The following SLC7A6 variants were observed in gnomAD, a reference collection of about 807,000 sequenced individuals.
SLC7A6 encodes solute carrier family 7 member 6, also known as Y+L amino acid transporter 2.
Under a neutral mutation model 46.6 loss-of-function variants are expected in SLC7A6, and 29 were observed. The observed-to-expected ratio is 0.62, with a 90% confidence interval of 0.46 to 0.85. The LOEUF (loss-of-function observed/expected upper bound fraction) is 0.85. SLC7A6 is among the 40% of genes least tolerant of loss of function. The pLI is 0.00. For synonymous variants in SLC7A6, 276 were observed against 257.3 expected (o/e 1.07, Z -0.70); for missense variants, 527 against 647.6 (o/e 0.81, Z 2.02).
At chr16:68,295,824 A>G (rs2043153237) in intron 8 of SLC7A6, among the ~76,000 whole-genome samples, 1 of 152,208 alleles carries the variant, frequency 6.6e-6, no homozygotes, top group African/African-American at 2.4e-5. Context: ...ACCTGACTTC[A>G]GAGGCCTGAA....
At position 68,281,495 on chromosome 16, in the gene SLC7A6, T is replaced by C. The variant is rs533140952; in HGVS notation, c.523+6246T>C. Among the ~76,000 whole-genome samples, 6 of 152,308 alleles carry C rather than the reference T, an allele frequency of 3.9e-5. No homozygotes were observed. In the East Asian group the frequency reaches 1.2e-3, roughly 29 times the overall value. On this transcript the variant is annotated intron_variant, in intron 3 of 10. Coordinates refer to ENST00000219343, the MANE Select transcript of SLC7A6 (RefSeq NM_003983.6). ...GTCAATAGTGCTGAGGTTGAGAAAC[T>C]CTGTCTTAAGGGTGCACTCTGTTCA...
In SLC7A6 at chr16:68,274,674, C is replaced by T; in HGVS notation, c.-36-17C>T. ...CCAGCTCCTGCCCTAGACTGACATA[C>T]TTGTATTCTTTGCCAGGCCACAGCA... On this transcript the variant is annotated splice_polypyrimidine_tract_variant and intron_variant, in intron 2 of 10. Coordinates refer to ENST00000219343, the MANE Select transcript of SLC7A6 (RefSeq NM_003983.6). The T allele has an allele frequency of 1.9e-6, 3 of 1,603,158 alleles. No homozygotes were observed. Among genetic ancestry groups the T allele is most frequent in the Non-Finnish European group, 1.7e-6 (2 of 1,172,936 alleles).
intron 2 of SLC7A6, among the ~76,000 whole-genome samples, chr16:68,272,741 T>C (rs1302210931): frequency 1.3e-5 from 2 of 152,136 alleles, no homozygotes; most frequent in East Asian, 3.9e-4. Flanking sequence ...CAATCCCTCC[T>C]CCCAGCTAGA....
At chr16:68,284,857 G>GTTTTTTTTTT (rs1285237242) in intron 3 of SLC7A6, among the ~76,000 whole-genome samples, 1 of 30,896 alleles carries the variant, frequency 3.2e-5, no homozygotes, top group Admixed American at 3.1e-4. Flanking sequence ...GTATTTTCTC[G>GTTTTTTTTTT]TCTTTTTTTT....
intron 3 of SLC7A6, among the ~76,000 whole-genome samples, chr16:68,284,950 TAGGC>T (rs1474386374): frequency 6.8e-6 from 1 of 148,146 alleles, no homozygotes. Flanking sequence ...CAGTGCACTA[TAGGC>T]CCGGACTCCT....
At chr16:68,286,093 A>C (rs1449879411) in intron 3 of SLC7A6, among the ~76,000 whole-genome samples, 1 of 141,672 alleles carries the variant, frequency 7.1e-6, no homozygotes, top group Non-Finnish European at 1.5e-5. Flanking sequence ...CCCTGTCTCA[A>C]AAAAAAAAAA....
In SLC7A6 at chr16:68,290,457, T is replaced by C; in HGVS notation, c.711T>C (p.Ser237=). ...EGSSWDMGNL[S]LALYSALFSY... ...CCTCCTGGGACATGGGAAACCTCTC[T>C]CTTGCCCTCTACTCTGCCCTCTTCT... The change falls in exon 5 of 11, where the codon TCT becomes TCC. Residue 237 remains serine (S), a synonymous_variant. Coordinates refer to ENST00000219343, the MANE Select transcript of SLC7A6 (RefSeq NM_003983.6). 1 of 1,614,182 alleles carries C rather than the reference T, an allele frequency of 6.2e-7. No individual in the cohort carries two copies. The highest frequency in any genetic ancestry group is 8.5e-7 in the Non-Finnish European group (1 of 1,180,024).
intron 3 of SLC7A6, among the ~76,000 whole-genome samples, chr16:68,276,010 G>A (rs976856012): frequency 7.9e-5 from 12 of 152,216 alleles, no homozygotes; most frequent in African/African-American, 2.9e-4. Flanking sequence ...TCATCAGTGA[G>A]AAAGTAGGCT....
intron 3 of SLC7A6, among the ~76,000 whole-genome samples, chr16:68,283,557 T>A (rs1451419505): frequency 6.6e-6 from 1 of 152,042 alleles, no homozygotes; most frequent in Non-Finnish European, 1.5e-5. Context: ...AGCCATGCCT[T>A]CAGCTAAAAT....
intron 3 of SLC7A6, chr16:68,287,509 A>G (rs549100286): frequency 1.9e-5 from 27 of 1,411,678 alleles, no homozygotes; most frequent in Non-Finnish European, 2.5e-5. Context: ...ATGTATAAGT[A>G]TGTGTTCACG....
rs781357918 is a variant in SLC7A6, at chr16:68,275,188, G to A, written c.462G>A (p.Pro154=). The change falls in exon 3 of 11, where the codon CCG becomes CCA. Residue 154 remains proline (P), a synonymous_variant. Coordinates refer to ENST00000219343, the MANE Select transcript of SLC7A6 (RefSeq NM_003983.6). ...CCTTTGCCAACTACATCATCCAGCCGTCCTTCCCCAGCTGTGATCCCCCAT... is the reference window on the plus strand; with the variant it reads ...CCTTTGCCAACTACATCATCCAGCCATCCTTCCCCAGCTGTGATCCCCCAT... The part of the protein sequence containing the change: ...AITFANYIIQ[P]SFPSCDPPYL... The A allele has an allele frequency of 1.9e-5, 31 of 1,613,340 alleles. No individual in the cohort carries two copies. Among genetic ancestry groups the A allele is most frequent in the East Asian group, 1.8e-4 (8 of 44,870 alleles).
chr16:68,275,876 G>A (rs1031935132), intron 3 of SLC7A6, among the ~76,000 whole-genome samples: 4 of 151,938 alleles, frequency 2.6e-5, no homozygotes, highest in African/African-American at 4.8e-5. Context: ...TTCGATTGAA[G>A]TCAACATTGC....
At chr16:68,291,061 C>A in intron 5 of SLC7A6, 148 bp from the exon 6 acceptor site, 1 of 944,104 alleles carries the variant, frequency 1.1e-6, no homozygotes, top group Non-Finnish European at 1.7e-6. Flanking sequence ...ATAGAAAGAA[C>A]CCAGGGTCAA....
intron 8 of SLC7A6, among the ~76,000 whole-genome samples, chr16:68,296,090 C>T (rs1420156367): frequency 6.6e-6 from 1 of 152,128 alleles, no homozygotes; most frequent in Admixed American, 6.5e-5. Context: ...AGGAGGGCCT[C>T]AGCGTCTGCC....
intron 2 of SLC7A6, among the ~76,000 whole-genome samples, chr16:68,270,728 C>A (rs1759895241): frequency 6.6e-6 from 1 of 152,218 alleles, no homozygotes. Flanking sequence ...CCATCAGTTT[C>A]AATCTAGTTG....
chr16:68,288,313 C>T (rs2151226607), intron 4 of SLC7A6, among the ~76,000 whole-genome samples: 1 of 152,252 alleles, frequency 6.6e-6, no homozygotes, highest in South Asian at 2.1e-4. Context: ...TATTTTGCAG[C>T]CTTTACTTTT....
intron 3 of SLC7A6, 37 bp from the exon 4 acceptor site, chr16:68,287,709 C>T: frequency 6.2e-7 from 1 of 1,605,052 alleles, no homozygotes; most frequent in Non-Finnish European, 8.5e-7. Context: ...GTGCCCTCAA[C>T]TCAAGCCTGC....
chr16:68,294,241 A>C (rs2043116632), intron 7 of SLC7A6, among the ~76,000 whole-genome samples: 2 of 152,184 alleles, frequency 1.3e-5, no homozygotes, highest in African/African-American at 4.8e-5. Flanking sequence ...AGGTGTAGAA[A>C]GGAAGCCTGG....
At chr16:68,291,760 A>AGGGTGTGTGT in intron 7 of SLC7A6, 99 bp downstream of exon 7, 1 of 521,762 alleles carries the variant, frequency 1.9e-6, no homozygotes, top group South Asian at 2.1e-5. Context: ...ATGGGCATAT[A>AGGGTGTGTGT]GGGTGTGTGT....
Sources: allele counts gnomAD v4.1 joint callset (sites outside exome capture counted in the v4.1 genomes callset), GRCh38; gene constraint gnomAD v4.1.1; transcripts MANE v1.5; gene names NCBI Gene and HGNC (gene_info 2026-07-23, HGNC 2026-07-21).